CCDC15: variants seen among roughly 807,000 people sequenced by gnomAD.
The protein encoded by CCDC15 is coiled-coil domain-containing protein 15.
A neutral mutation model predicts 114.5 loss-of-function variants in CCDC15; 105 were observed. The ratio of observed to expected loss-of-function variants is 0.92; its 90% CI spans 0.78 to 1.08. CCDC15 has a LOEUF of 1.08. Among genes scored for constraint, CCDC15 ranks in the 50% least tolerant of loss-of-function variants. CCDC15 has a pLI of 0.00. For missense variants in CCDC15, 1,105 were observed against 1,093.6 expected (o/e 1.01, Z -0.15); for synonymous variants, 334 against 377.8 (o/e 0.88, Z 1.34).
intron 13 of CCDC15, among the ~76,000 whole-genome samples, chr11:125,027,858 A>G (rs917535307): frequency 1.3e-5 from 2 of 151,980 alleles, no homozygotes; most frequent in Middle Eastern, 3.2e-3. Flanking sequence ...TAAAATTTTT[A>G]TAGTTTCACG....
chr11:125,003,338 C>T (rs1948508284), intron 11 of CCDC15, among the ~76,000 whole-genome samples: 1 of 151,776 alleles, frequency 6.6e-6, no homozygotes, highest in Non-Finnish European at 1.5e-5. Context: ...TTATTTGACC[C>T]ATGTAATGTC....
chr11:124,984,567 T>G (rs71474118), intron 6 of CCDC15, among the ~76,000 whole-genome samples: 30,880 of 152,050 alleles, frequency 0.2, 3,743 homozygotes, highest in African/African-American at 0.34. Context: ...AGATACTCCT[T>G]TACCAAACCC....
At chr11:124,976,458 A>G (rs1947974820) in intron 5 of CCDC15, among the ~76,000 whole-genome samples, 2 of 152,036 alleles carry the variant, frequency 1.3e-5, no homozygotes, top group African/African-American at 4.8e-5. Context: ...TTTTTCTAGC[A>G]TTGCCTTGTG....
At chr11:125,021,977 G>A (rs964918086) in intron 13 of CCDC15, among the ~76,000 whole-genome samples, 5 of 151,806 alleles carry the variant, frequency 3.3e-5, no homozygotes, top group Non-Finnish European at 7.4e-5. Context: ...GGGAGTTACC[G>A]AACTTAACAA....
At chr11:125,001,925 T>C (rs375216935) in intron 11 of CCDC15, among the ~76,000 whole-genome samples, 1 of 152,148 alleles carries the variant, frequency 6.6e-6, no homozygotes. Context: ...TACCTCATAG[T>C]GGAATTGGTG....
chr11:125,013,103 A>G (rs1340908368), intron 13 of CCDC15, among the ~76,000 whole-genome samples: 1 of 152,218 alleles, frequency 6.6e-6, no homozygotes, highest in Non-Finnish European at 1.5e-5. Flanking sequence ...CCATGATAGG[A>G]TGAGCACCAA....
intron 11 of CCDC15, among the ~76,000 whole-genome samples, chr11:124,996,520 G>A (rs1421665018): frequency 6.6e-6 from 1 of 152,080 alleles, no homozygotes; most frequent in East Asian, 1.9e-4. Context: ...TGTAAATATA[G>A]ACACATTAAA....
intron 13 of CCDC15, among the ~76,000 whole-genome samples, chr11:125,032,521 G>T (rs183561971): frequency 4.6e-4 from 70 of 152,308 alleles, no homozygotes; most frequent in African/African-American, 1.6e-3. Flanking sequence ...TGGGAGAGTT[G>T]AATGAGGATG....
intron 13 of CCDC15, among the ~76,000 whole-genome samples, chr11:125,023,631 G>A (rs1199312372): frequency 1.3e-5 from 2 of 151,856 alleles, no homozygotes; most frequent in African/African-American, 4.8e-5. Context: ...TTTAAAAAAC[G>A]ACAGATAAAA....
chr11:125,006,973 A>G lies in CCDC15; in HGVS notation c.2411+1761A>G, dbSNP rs1019532436. ...TGATACATAATAATTGTACATATTTATGGGATACATGTAATATTTTGATAA... is the reference window on the plus strand; with the variant it reads ...TGATACATAATAATTGTACATATTTGTGGGATACATGTAATATTTTGATAA... On this transcript the variant is annotated intron_variant, in intron 13 of 15. Transcript: ENST00000344762. Among the ~76,000 whole-genome samples, 3 of 152,142 alleles carry G rather than the reference A, an allele frequency of 2.0e-5. No individual in the cohort carries two copies. In the South Asian group the frequency reaches 6.2e-4, roughly 31 times the overall value.
intron 4 of CCDC15, among the ~76,000 whole-genome samples, chr11:124,968,138 C>T (rs1399422282): frequency 2.0e-5 from 3 of 152,208 alleles, no homozygotes; most frequent in Non-Finnish European, 2.9e-5. Context: ...GCAGTATGTC[C>T]GTTCTCAGAG....
chr11:125,021,330 T>C (rs547631371), intron 13 of CCDC15, among the ~76,000 whole-genome samples: 121 of 151,936 alleles, frequency 8.0e-4, no homozygotes, highest in African/African-American at 2.7e-3. Flanking sequence ...GACTGAAAAA[T>C]GTTCCATCAG....
chr11:125,024,489 A>G (rs998664259), intron 13 of CCDC15, among the ~76,000 whole-genome samples: 2 of 152,052 alleles, frequency 1.3e-5, no homozygotes, highest in African/African-American at 4.8e-5. Flanking sequence ...TTTTCTCAGC[A>G]GTATGTTATA....
chr11:124,969,180 G>T (rs371537923), intron 4 of CCDC15, among the ~76,000 whole-genome samples: 28 of 152,004 alleles, frequency 1.8e-4, no homozygotes, highest in African/African-American at 5.8e-4. Context: ...TTTTAAATAT[G>T]ATTTGGCCAC....
intron 13 of CCDC15, among the ~76,000 whole-genome samples, chr11:125,033,973 C>T (rs1948758171): frequency 6.6e-6 from 1 of 152,160 alleles, no homozygotes; most frequent in African/African-American, 2.4e-5. Flanking sequence ...CATGGCCACA[C>T]TCTGAACCTC....
intron 8 of CCDC15, among the ~76,000 whole-genome samples, chr11:124,989,700 C>G (rs902729910): frequency 6.6e-6 from 1 of 152,204 alleles, no homozygotes; most frequent in Non-Finnish European, 1.5e-5. Context: ...ACCGCTTCAC[C>G]TTGCCCTTTG....
At chr11:125,028,332 A>G (rs1278574612) in intron 13 of CCDC15, among the ~76,000 whole-genome samples, 2 of 152,094 alleles carry the variant, frequency 1.3e-5, no homozygotes, top group Non-Finnish European at 2.9e-5. Context: ...ATTGCGTTGA[A>G]TCTGTAGGTT....
chr11:125,033,372 G>T (rs1948754299), intron 13 of CCDC15, among the ~76,000 whole-genome samples: 1 of 152,118 alleles, frequency 6.6e-6, no homozygotes, highest in African/African-American at 2.4e-5. Context: ...GCCTTTGATG[G>T]TTGAGTGCTG....
intron 11 of CCDC15, among the ~76,000 whole-genome samples, chr11:125,003,496 T>A (rs1411722064): frequency 6.6e-6 from 1 of 151,966 alleles, no homozygotes; most frequent in Non-Finnish European, 1.5e-5. Flanking sequence ...TTCAAAGTGA[T>A]CATATATAGA....
Sources: gnomAD v4.1 joint callset for allele counts (sites outside exome capture counted in the v4.1 genomes callset) on GRCh38, gnomAD v4.1.1 for gene constraint, MANE v1.5 for transcripts, NCBI Gene and HGNC (gene_info 2026-07-23, HGNC 2026-07-21) for gene names.